RGS6: variants seen among roughly 807,000 people sequenced by gnomAD.
The protein encoded by RGS6 is regulator of G-protein signaling 6.
A neutral mutation model predicts 78.5 loss-of-function variants in RGS6; 30 were observed. The ratio of observed to expected loss-of-function variants is 0.38; its 90% CI spans 0.29 to 0.52. The LOEUF is 0.52. Among genes scored for constraint, RGS6 ranks in the 20% least tolerant of loss-of-function variants. The pLI is 0.85. For missense variants in RGS6, 495 were observed against 609.7 expected, an observed-to-expected ratio of 0.81 and a Z score of 1.98; for synonymous variants, 206 against 206.0, an observed-to-expected ratio of 1.00 and a Z score of 0.00.
intron 2 of RGS6, among the ~76,000 whole-genome samples, chr14:72,342,331 C>G (rs573873661): frequency 6.6e-6 from 1 of 151,870 alleles, no homozygotes; most frequent in African/African-American, 2.4e-5. Flanking sequence ...TTTGGGAGGC[C>G]AAGGCAGGCA....
rs150790537 is a variant in RGS6, at chr14:72,278,390, G to C, written c.85-73705G>C. 1.8e-3 allele frequency among the ~76,000 whole-genome samples: 269 copies of C among 152,334 alleles called. 1 individual carries two copies. Among genetic ancestry groups the C allele is most frequent in the African/African-American group, 6.1e-3 (255 of 41,578 alleles). ...AGAAAGGATGTCAAGAGCAGACTTA[G>C]CTGACCTCACTTTGCTTTGGGCTTG... On this transcript the variant is annotated intron_variant, in intron 2 of 17. Coordinates refer to ENST00000553525, the MANE Select transcript of RGS6 (RefSeq NM_001204424.2).
chr14:72,284,066 G>A (rs1411513218), intron 2 of RGS6, among the ~76,000 whole-genome samples: 1 of 152,106 alleles, frequency 6.6e-6, no homozygotes. Flanking sequence ...GATGATTTAG[G>A]GTATCTGGCA....
At chr14:72,047,703 A>G (rs945277048) in intron 2 of RGS6, among the ~76,000 whole-genome samples, 11 of 152,086 alleles carry the variant, frequency 7.2e-5, no homozygotes, top group African/African-American at 1.9e-4. Flanking sequence ...CCTTCATATC[A>G]TGGTTTGAAT....
chr14:72,237,975 G>C (rs946615195), intron 2 of RGS6, among the ~76,000 whole-genome samples: 1 of 152,078 alleles, frequency 6.6e-6, no homozygotes, highest in African/African-American at 2.4e-5. Context: ...CTGGCTTCCT[G>C]TCTGGTGTCC....
chr14:72,367,869 G>T (rs1432936672), intron 3 of RGS6, among the ~76,000 whole-genome samples: 2 of 152,140 alleles, frequency 1.3e-5, no homozygotes, highest in African/African-American at 4.8e-5. Flanking sequence ...TTAATTGATA[G>T]GTTTGGATTA....
At chr14:72,449,961 C>T (rs2095452618) in intron 3 of RGS6, among the ~76,000 whole-genome samples, 1 of 152,180 alleles carries the variant, frequency 6.6e-6, no homozygotes, top group South Asian at 2.1e-4. Flanking sequence ...GCCTCAGAGG[C>T]CAGCTCTTTC....
the RGS6 span, among the ~76,000 whole-genome samples, chr14:72,576,077 A>G: frequency 2.0e-5 from 3 of 152,370 alleles, no homozygotes; most frequent in Admixed American, 2.0e-4. Context: ...AGACCCTTCC[A>G]TAGATTCTAG....
intron 1 of RGS6, among the ~76,000 whole-genome samples, chr14:71,948,224 A>T (rs926128261): frequency 6.6e-6 from 1 of 152,112 alleles, no homozygotes; most frequent in Non-Finnish European, 1.5e-5. Context: ...ACAGGGGAGG[A>T]ATCTTCTTTC....
intron 2 of RGS6, among the ~76,000 whole-genome samples, chr14:72,141,804 C>T (rs2096543156): frequency 6.6e-6 from 1 of 151,850 alleles, no homozygotes; most frequent in Non-Finnish European, 1.5e-5. Flanking sequence ...CCATAAGATT[C>T]ATGTTAAACT....
At chr14:72,221,602 T>C (rs1211054403) in intron 2 of RGS6, among the ~76,000 whole-genome samples, 1 of 152,140 alleles carries the variant, frequency 6.6e-6, no homozygotes, top group Non-Finnish European at 1.5e-5. Flanking sequence ...GACAATCACT[T>C]TTACTTTTTT....
chr14:71,968,863 ATG>A (rs1180701523), intron 2 of RGS6, among the ~76,000 whole-genome samples: 2 of 152,202 alleles, frequency 1.3e-5, no homozygotes, highest in Non-Finnish European at 2.9e-5. Flanking sequence ...TCTAGGGTAC[ATG>A]TGCACAACGT....
chr14:72,535,425 G>C (rs966335639), intron 15 of RGS6, among the ~76,000 whole-genome samples: 1 of 152,122 alleles, frequency 6.6e-6, no homozygotes, highest in African/African-American at 2.4e-5. Flanking sequence ...TATTGATTCT[G>C]ATGCAGTTAT....
chr14:72,146,825 C>G (rs1412198060), intron 2 of RGS6, among the ~76,000 whole-genome samples: 1 of 152,130 alleles, frequency 6.6e-6, no homozygotes, highest in Admixed American at 6.5e-5. Context: ...TCATTTCCTT[C>G]TTATTTTACT....
intron 1 of RGS6, among the ~76,000 whole-genome samples, chr14:71,958,742 T>C (rs935417711): frequency 6.6e-6 from 1 of 152,180 alleles, no homozygotes; most frequent in African/African-American, 2.4e-5. Flanking sequence ...GCAGGCTCCA[T>C]GGAATCTAGG....
In RGS6 at chr14:72,159,789, G is replaced by A. The variant is rs114936353; in HGVS notation, c.85-192306G>A. Among the ~76,000 whole-genome samples the A allele has an allele frequency of 3.3e-3, 508 of 152,188 alleles. 1 individual carries two copies. The highest frequency in any genetic ancestry group is 0.012 in the African/African-American group (480 of 41,512). On this transcript the variant is annotated intron_variant, in intron 2 of 17. Transcript: ENST00000553525. ...CCAGAGTGGGGATCCTTATTGCATC[G>A]TCAAGCATGGACACCAAAAATAAAT... is the stretch of plus-strand genomic sequence containing the variant.
chr14:72,077,801 C>T (rs968578783), intron 2 of RGS6, among the ~76,000 whole-genome samples: 36 of 152,108 alleles, frequency 2.4e-4, no homozygotes, highest in Non-Finnish European at 2.6e-4. Context: ...AAGAAAACCC[C>T]TAGGGGTATT....
intron 16 of RGS6, 76 bp from the exon 17 acceptor site, chr14:72,539,965 G>A: frequency 7.6e-7 from 1 of 1,315,442 alleles, no homozygotes; most frequent in South Asian, 1.4e-5. Context: ...AGCTGCTGCT[G>A]TTTGGGAACC....
At chr14:72,555,352 A>G (rs2097558305) in intron 17 of RGS6, among the ~76,000 whole-genome samples, 1 of 152,240 alleles carries the variant, frequency 6.6e-6, no homozygotes. Context: ...TGCAGTAACC[A>G]AAAGCCCCTT....
At chr14:71,984,895 G>T (rs74060437) in intron 2 of RGS6, among the ~76,000 whole-genome samples, 6,771 of 152,008 alleles carry the variant, frequency 0.045, 491 homozygotes, top group African/African-American at 0.15. Context: ...AATTTAGAAA[G>T]AATCAAAATA....
Sources: allele counts gnomAD v4.1 joint callset (sites outside exome capture counted in the v4.1 genomes callset), GRCh38; gene constraint gnomAD v4.1.1; transcripts MANE v1.5; gene names NCBI Gene and HGNC (gene_info 2026-07-23, HGNC 2026-07-21).